The following SLA variants were observed in gnomAD, a reference collection of about 807,000 sequenced individuals.
SLA encodes the protein src-like-adapter.
A neutral mutation model predicts 30.3 loss-of-function variants in SLA; 16 were observed. That is an observed-to-expected ratio of 0.53 (90% CI 0.36 to 0.80). The LOEUF is 0.80. SLA is among the 30% of genes least tolerant of loss of function. The pLI is 0.01. For synonymous variants in SLA, 143 were observed against 137.8 expected, an observed-to-expected ratio of 1.04 and a Z score of -0.26; for missense variants, 310 against 345.2, an observed-to-expected ratio of 0.90 and a Z score of 0.81.
rs941642419 is a variant in SLA at position 133,086,559 on chromosome 8, A to C, written c.-318-11429T>G. Among the ~76,000 whole-genome samples the C allele has an allele frequency of 1.7e-4, 26 of 152,294 alleles. 1 individual carries two copies. Among genetic ancestry groups the C allele is most frequent in the South Asian group, 1.0e-3 (5 of 4,828 alleles). ...TTTATTATCTTTTTGATGAAAAAAA[A>C]CTATACCTTTTGACTCAGTAATGCC... On this transcript the variant is annotated intron_variant, in intron 1 of 8. Transcript: ENST00000338087.
chr8:133,042,776 CT>C (rs1480725363), intron 7 of SLA, among the ~76,000 whole-genome samples: 15 of 144,410 alleles, frequency 1.0e-4, no homozygotes, highest in Non-Finnish European at 1.5e-5. Flanking sequence ...TCACTGCAAC[CT>C]CTGCCTCCTG....
chr8:133,055,698 G>A (rs1034607344), intron 3 of SLA, among the ~76,000 whole-genome samples: 3 of 152,154 alleles, frequency 2.0e-5, no homozygotes, highest in Admixed American at 2.0e-4. Flanking sequence ...CAGAACAGAA[G>A]CAAGAAATAG....
intron 1 of SLA, among the ~76,000 whole-genome samples, chr8:133,084,203 G>T (rs1270848862): frequency 6.6e-6 from 1 of 152,152 alleles, no homozygotes; most frequent in Non-Finnish European, 1.5e-5. Context: ...GGGCAGTCTA[G>T]GGGCTACTGG....
chr8:133,060,600 G>T (rs1192571092), intron 2 of SLA, among the ~76,000 whole-genome samples: 1 of 152,184 alleles, frequency 6.6e-6, no homozygotes, highest in Non-Finnish European at 1.5e-5. Context: ...GAGTACAGGA[G>T]TTGTGTGTCT....
intron 6 of SLA, 21 bp from the exon 7 acceptor site, chr8:133,045,136 G>A: frequency 1.2e-6 from 2 of 1,613,608 alleles, no homozygotes; most frequent in Non-Finnish European, 1.7e-6. Context: ...TGGAGGATAA[G>A]TCAGTGGGCT....
At chr8:133,094,906 G>C in intron 1 of SLA, 1 of 1,121,814 alleles carries the variant, frequency 8.9e-7, no homozygotes, top group Non-Finnish European at 1.3e-6. Context: ...TTCCCATTGT[G>C]TGCAGCCCCA....
intron 1 of SLA, among the ~76,000 whole-genome samples, chr8:133,089,635 A>G (rs1341598759): frequency 6.6e-6 from 1 of 152,204 alleles, no homozygotes; most frequent in African/African-American, 2.4e-5. Flanking sequence ...TTTAGAAGTC[A>G]CTGGTCCATC....
chr8:133,046,091 G>A (rs531528313), intron 6 of SLA, among the ~76,000 whole-genome samples: 52 of 152,294 alleles, frequency 3.4e-4, no homozygotes, highest in African/African-American at 1.1e-3. Flanking sequence ...GAGTAGAACC[G>A]CAGCCATGTG....
chr8:133,043,125 A>C (rs2131120043), intron 7 of SLA, among the ~76,000 whole-genome samples: 1 of 152,240 alleles, frequency 6.6e-6, no homozygotes, highest in African/African-American at 2.4e-5. Flanking sequence ...TGAACAGATG[A>C]CTGTAATCCA....
At chr8:133,069,292 A>G (rs1843585582) in intron 2 of SLA, among the ~76,000 whole-genome samples, 3 of 152,222 alleles carry the variant, frequency 2.0e-5, no homozygotes, top group Non-Finnish European at 4.4e-5. Context: ...TCATAAACTT[A>G]TCAAGCAAGA....
chr8:133,082,903 C>G (rs1471650212), intron 1 of SLA, among the ~76,000 whole-genome samples: 1 of 152,238 alleles, frequency 6.6e-6, no homozygotes, highest in African/African-American at 2.4e-5. Context: ...CGAAACTAGC[C>G]TCGATGTAAT....
chr8:133,095,224 C>A, intron 1 of SLA: 1 of 1,614,148 alleles, frequency 6.2e-7, no homozygotes, highest in Non-Finnish European at 8.5e-7. Flanking sequence ...CACTTAAGTG[C>A]AAGTTGGGAA....
At chr8:133,070,543 G>A (rs1027110206) in intron 2 of SLA, among the ~76,000 whole-genome samples, 1 of 152,140 alleles carries the variant, frequency 6.6e-6, no homozygotes, top group African/African-American at 2.4e-5. Context: ...GGGTCGTACA[G>A]CTAGCTCAGG....
chr8:133,080,564 C>G (rs1018417017), intron 1 of SLA, among the ~76,000 whole-genome samples: 1 of 152,174 alleles, frequency 6.6e-6, no homozygotes, highest in African/African-American at 2.4e-5. Flanking sequence ...CTATCCTCCT[C>G]AAGCAGCTGC....
rs1279432490 is a variant in SLA, at chr8:133,094,971, C to CCT, written c.-319+7581_-319+7582insAG. The CCT allele has an allele frequency of 1.8e-3, 2,896 of 1,600,590 alleles. 4 individuals carry two copies. The highest frequency in any genetic ancestry group is 3.4e-3 in the South Asian group (306 of 90,554). Reference sequence around the variant, plus strand: ...GGAAGGATGCAGAACCCTGATGTGGCACTGAGGACTCCAGGTGAGCAGGGG... The same window carrying CCT: ...GGAAGGATGCAGAACCCTGATGTGGCCTACTGAGGACTCCAGGTGAGCAGGGG... On this transcript the variant is annotated intron_variant, in intron 1 of 8. Coordinates refer to ENST00000338087, the MANE Select transcript of SLA (RefSeq NM_001045556.3).
At chr8:133,040,482 T>C in intron 7 of SLA, 1 of 271,140 alleles carries the variant, frequency 3.7e-6, no homozygotes, top group South Asian at 4.9e-5. Flanking sequence ...ATGAAAGAAA[T>C]GAAGCAACAA....
At position 133,074,857 on chromosome 8, in the gene SLA, A is replaced by G; in HGVS notation, c.-45T>C. 1 of 985,494 alleles carries G rather than the reference A, an allele frequency of 1.0e-6. No individual in the cohort carries two copies. The highest frequency in any genetic ancestry group is 1.2e-6 in the Non-Finnish European group (1 of 829,992). 61.0% of individuals were successfully genotyped at this position (985,494 alleles called of 1,614,324 possible). On this transcript the variant is annotated 5_prime_UTR_variant, in exon 2 of 9. An upstream open reading frame in the 5' UTR loses its in-frame stop. Transcript: ENST00000338087. ...TGCCACATACTCCCAAAATACCTTC[A>G]CACACTGGGCATGACTCCTGTGGGA... is the stretch of plus-strand genomic sequence containing the variant.
chr8:133,090,671 AT>A (rs1847356896), intron 1 of SLA, among the ~76,000 whole-genome samples: 1 of 152,186 alleles, frequency 6.6e-6, no homozygotes, highest in African/African-American at 2.4e-5. Flanking sequence ...CACATCAGGT[AT>A]TTTCCCTCCA....
chr8:133,045,114 C>A lies in SLA; in HGVS notation c.354G>T (p.Gly118=), dbSNP rs1839068731. Residue 118 remains glycine, a splice_region_variant and synonymous_variant, in exon 7 of 9, where the codon GGG becomes GGT. Coordinates refer to ENST00000338087, the MANE Select transcript of SLA (RefSeq NM_001045556.3). ...TGTGTCTCACCGACAGTGAGTAAAA[C>A]CCTGCAGGAGGTGGAGGATAAGTCA... is the stretch of plus-strand genomic sequence containing the variant. ...FMIRESETKK[G]FYSLSVRHRQ... 1 of 1,614,130 alleles carries A rather than the reference C, an allele frequency of 6.2e-7. No individual in the cohort carries two copies. Among genetic ancestry groups the A allele is most frequent in the Non-Finnish European group, 8.5e-7 (1 of 1,179,996 alleles).
Sources: allele counts gnomAD v4.1 joint callset (sites outside exome capture counted in the v4.1 genomes callset), GRCh38; gene constraint gnomAD v4.1.1; transcripts MANE v1.5; gene names NCBI Gene and HGNC (gene_info 2026-07-23, HGNC 2026-07-21).